SLC35F4: variants seen among roughly 807,000 people sequenced by gnomAD.
SLC35F4 encodes the protein chromosome 14 open reading frame 36.
A neutral mutation model predicts 44.2 loss-of-function variants in SLC35F4; 24 were observed. The observed-to-expected ratio is 0.54, with a 90% CI of 0.39 to 0.76. The LOEUF is 0.76. Ranked by LOEUF, SLC35F4 falls within the 30% of genes least tolerant of loss-of-function variation. The pLI is 0.00. For synonymous variants in SLC35F4, 238 were observed against 223.6 expected, an observed-to-expected ratio of 1.06 and a Z score of -0.57; for missense variants, 562 against 586.1, an observed-to-expected ratio of 0.96 and a Z score of 0.42.
chr14:57,900,457 A>C (rs1888976441), intron 1 of SLC35F4, among the ~76,000 whole-genome samples: 1 of 152,200 alleles, frequency 6.6e-6, no homozygotes, highest in Admixed American at 6.5e-5. Flanking sequence ...CACAACCTGG[A>C]CCTGGGGAGG....
At chr14:57,981,186 T>C (rs1881369462) in intron 1 of SLC35F4, among the ~76,000 whole-genome samples, 1 of 152,224 alleles carries the variant, frequency 6.6e-6, no homozygotes, top group South Asian at 2.1e-4. Context: ...TTTTCTGAAC[T>C]GGTTTCTTGT....
chr14:57,766,898 C>A (rs977044993), intron 1 of SLC35F4, among the ~76,000 whole-genome samples: 1 of 152,102 alleles, frequency 6.6e-6, no homozygotes, highest in African/African-American at 2.4e-5. Context: ...TATAATAAAA[C>A]ACAGCCCATC....
At chr14:57,779,800 C>T (rs1487117428) in intron 1 of SLC35F4, among the ~76,000 whole-genome samples, 1 of 151,884 alleles carries the variant, frequency 6.6e-6, no homozygotes, top group Admixed American at 6.6e-5. Flanking sequence ...GATAAATGTG[C>T]TTCATTGCAT....
chr14:57,741,671 T>C (rs1279417554), intron 1 of SLC35F4, among the ~76,000 whole-genome samples: 1 of 152,148 alleles, frequency 6.6e-6, no homozygotes, highest in Non-Finnish European at 1.5e-5. Flanking sequence ...CAGCAGGATA[T>C]TATCCAGGAG....
At chr14:57,766,713 C>G (rs2077243769) in intron 1 of SLC35F4, among the ~76,000 whole-genome samples, 1 of 152,202 alleles carries the variant, frequency 6.6e-6, no homozygotes, top group Admixed American at 6.5e-5. Context: ...TATAGCTTCT[C>G]TCCTTCACAG....
rs140150125 is a variant in SLC35F4, at chr14:57,609,746, A to G, written c.104-15622T>C. The stretch of plus-strand genomic sequence containing the variant: ...GTTCACACTGTCCGGAAGATGGCTT[A>G]AATTTACTACACAGGCTTTGGAATA... On this transcript the variant is annotated intron_variant, in intron 1 of 7. Coordinates refer to ENST00000556826, the MANE Select transcript of SLC35F4 (RefSeq NM_001306087.2). 1.6e-3 allele frequency among the ~76,000 whole-genome samples: 241 copies of G among 152,338 alleles called. 2 individuals carry two copies. Among genetic ancestry groups the G allele is most frequent in the Middle Eastern group, 6.8e-3 (2 of 294 alleles).
chr14:57,940,226 T>A (rs1889891539), intron 1 of SLC35F4, among the ~76,000 whole-genome samples: 1 of 152,138 alleles, frequency 6.6e-6, no homozygotes, highest in African/African-American at 2.4e-5. Context: ...CTTAAGGGAG[T>A]TTAAATTCTA....
intron 1 of SLC35F4, among the ~76,000 whole-genome samples, chr14:57,860,846 A>G (rs1350670471): frequency 6.6e-6 from 1 of 152,084 alleles, no homozygotes; most frequent in Non-Finnish European, 1.5e-5. Flanking sequence ...CCTGTCCCTA[A>G]TTATCTAGAT....
At chr14:57,779,187 T>C (rs1437505560) in intron 1 of SLC35F4, among the ~76,000 whole-genome samples, 1 of 152,024 alleles carries the variant, frequency 6.6e-6, no homozygotes, top group East Asian at 1.9e-4. Flanking sequence ...AATAGATCAG[T>C]GAATCCAGGA....
chr14:57,921,859 T>C (rs1889450550), intron 1 of SLC35F4, among the ~76,000 whole-genome samples: 1 of 152,210 alleles, frequency 6.6e-6, no homozygotes, highest in Non-Finnish European at 1.5e-5. Flanking sequence ...TGCTGGAGGT[T>C]AAAATTTCAA....
chr14:57,684,458 T>G (rs776220536), intron 1 of SLC35F4, among the ~76,000 whole-genome samples: 127 of 152,174 alleles, frequency 8.3e-4, no homozygotes, highest in South Asian at 2.7e-3. Context: ...ATCCCTCACA[T>G]GTGCAGTTCA....
chr14:57,958,169 T>G (rs941543555), intron 1 of SLC35F4, among the ~76,000 whole-genome samples: 10 of 152,094 alleles, frequency 6.6e-5, no homozygotes, highest in African/African-American at 2.4e-4. Context: ...GCCGTTCTCC[T>G]GCCTCAGCCT....
At chr14:57,649,734 A>G (rs947299804) in intron 1 of SLC35F4, among the ~76,000 whole-genome samples, 2 of 152,114 alleles carry the variant, frequency 1.3e-5, no homozygotes, top group Non-Finnish European at 2.9e-5. Context: ...GGCACTAGGT[A>G]ATGTTGGCGA....
intron 1 of SLC35F4, among the ~76,000 whole-genome samples, chr14:57,863,733 A>G (rs1015809261): frequency 6.6e-6 from 1 of 152,174 alleles, no homozygotes; most frequent in African/African-American, 2.4e-5. Context: ...ACTGTGCAAA[A>G]TAGCAATCTT....
chr14:57,785,205 G>T (rs73291864), intron 1 of SLC35F4, among the ~76,000 whole-genome samples: 5,574 of 152,190 alleles, frequency 0.037, 353 homozygotes, highest in African/African-American at 0.13. Flanking sequence ...TCGGTTACCT[G>T]AAGTTTATAC....
chr14:57,726,315 G>C (rs2076201977), intron 1 of SLC35F4, among the ~76,000 whole-genome samples: 1 of 152,124 alleles, frequency 6.6e-6, no homozygotes, highest in Admixed American at 6.5e-5. Context: ...AAAAAAACCA[G>C]ACTTGCTGAG....
upstream of SLC35F4, among the ~76,000 whole-genome samples, chr14:57,866,679 A>C (rs1193720063): frequency 1.3e-5 from 2 of 152,160 alleles, no homozygotes; most frequent in African/African-American, 4.8e-5. Context: ...TTATTTTTCC[A>C]ATTTCAAATG....
intron 1 of SLC35F4, among the ~76,000 whole-genome samples, chr14:57,850,950 G>A (rs1161383592): frequency 6.6e-6 from 1 of 152,172 alleles, no homozygotes; most frequent in Non-Finnish European, 1.5e-5. Context: ...CAACTTGTAG[G>A]ATCAGGAAAT....
rs187677923 is a variant in SLC35F4, at chr14:57,795,905, T to C, written c.103+69818A>G. On this transcript the variant is annotated intron_variant, in intron 1 of 7. Transcript: ENST00000556826. Reference sequence around the variant, plus strand: ...ACAAATTATTTCAGCACTCAGGTAGTAAGCATAGTACCCAATACCTAGTTT... The same window carrying C: ...ACAAATTATTTCAGCACTCAGGTAGCAAGCATAGTACCCAATACCTAGTTT... Among the ~76,000 whole-genome samples the C allele has an allele frequency of 2.0e-5, 3 of 152,262 alleles. 1 individual carries two copies. In the East Asian group the frequency reaches 5.8e-4, roughly 29 times the overall value.
Sources: gnomAD v4.1 joint callset for allele counts (sites outside exome capture counted in the v4.1 genomes callset) on GRCh38, gnomAD v4.1.1 for gene constraint, MANE v1.5 for transcripts, NCBI Gene and HGNC (gene_info 2026-07-23, HGNC 2026-07-21) for gene names.